Variants in RYR3 observed in about 807,000 individuals in gnomAD.
RYR3 encodes the protein brain ryanodine receptor-calcium release channel.
Under a neutral mutation model 584.3 loss-of-function variants are expected in RYR3, and 207 were observed. That is an observed-to-expected ratio of 0.35 (90% CI 0.32 to 0.40). The LOEUF is 0.40. Ranked by LOEUF, RYR3 falls within the 10% of genes least tolerant of loss-of-function variation. RYR3 has a pLI of 1.00. For synonymous variants in RYR3, 2,416 were observed against 2,248.5 expected (o/e 1.07, Z -2.11); for missense variants, 5,616 against 6,089.2 (o/e 0.92, Z 2.59).
chr15:33,587,021 T>TG (rs1413383542), intron 16 of RYR3, among the ~76,000 whole-genome samples: 1 of 139,006 alleles, frequency 7.2e-6, no homozygotes, highest in Non-Finnish European at 1.7e-5. Context: ...TGTCATCATC[T>TG]GGGGGGACTG....
chr15:33,648,682 G>GCC (rs1307030723), intron 30 of RYR3, among the ~76,000 whole-genome samples: 1 of 152,330 alleles, frequency 6.6e-6, no homozygotes, highest in African/African-American at 2.4e-5. Context: ...CAGGGACTGT[G>GCC]CCCGCTCTCT....
At chr15:33,810,726 G>GTCC in intron 71 of RYR3, 77 bp downstream of exon 71, 1 of 1,571,766 alleles carries the variant, frequency 6.4e-7, no homozygotes, top group Non-Finnish European at 8.7e-7. Context: ...TGAAGGGTTA[G>GTCC]TCCTCCTCCC....
intron 1 of RYR3, among the ~76,000 whole-genome samples, chr15:33,411,059 T>C (rs990436951): frequency 3.3e-5 from 5 of 152,132 alleles, no homozygotes; most frequent in African/African-American, 4.8e-5. Flanking sequence ...ATGGGTATTA[T>C]TACAATTCAA....
At position 33,812,977 on chromosome 15, in the gene RYR3, G is replaced by T. The variant is rs1193564383; in HGVS notation, c.10372G>T (p.Val3458Phe). Residue 3458 changes from valine (V) to phenylalanine (F), a missense_variant, in exon 73 of 104, where the codon GTC becomes TTC. This residue lies in a region of RYR3 where 954 missense variants were observed against 1,132.2 expected (regional missense o/e 0.84). Coordinates refer to ENST00000634891, the MANE Select transcript of RYR3 (RefSeq NM_001036.6). ...GCGTGTGCAGAGAATTTCAGCAGCT[G>T]TCTTCCACCTGGAACAGGTAAGGAG... ...VERVQRISAA[V>F]FHLEQVEQPL... 6.2e-7 allele frequency: 1 copy of T among 1,614,016 alleles called. No individual in the cohort carries two copies. Among genetic ancestry groups the T allele is most frequent in the Non-Finnish European group, 8.5e-7 (1 of 1,179,882 alleles).
chr15:33,522,620 GAGA>G (rs1166024696), intron 3 of RYR3, among the ~76,000 whole-genome samples: 1 of 152,208 alleles, frequency 6.6e-6, no homozygotes, highest in African/African-American at 2.4e-5. Context: ...TTCAGCTCAG[GAGA>G]AGGAGGGTTT....
chr15:33,440,406 C>A (rs558395819), intron 1 of RYR3, among the ~76,000 whole-genome samples: 3 of 152,188 alleles, frequency 2.0e-5, no homozygotes, highest in Non-Finnish European at 4.4e-5. Context: ...CTGTCCCATG[C>A]GTGTTTTAGG....
At chr15:33,540,542 G>C (rs144439462) in intron 6 of RYR3, among the ~76,000 whole-genome samples, 1 of 152,178 alleles carries the variant, frequency 6.6e-6, no homozygotes, top group African/African-American at 2.4e-5. Flanking sequence ...TGTTGAATCA[G>C]CTCCAGCTGA....
intron 74 of RYR3, among the ~76,000 whole-genome samples, chr15:33,816,577 G>A (rs1466486593): frequency 6.6e-6 from 1 of 152,218 alleles, no homozygotes; most frequent in Non-Finnish European, 1.5e-5. Flanking sequence ...CATTGGAGAG[G>A]AAATGTGATA....
intron 45 of RYR3, among the ~76,000 whole-genome samples, chr15:33,725,154 T>TACACACACACACACACACACACACAC (rs58951939): frequency 8.8e-6 from 1 of 113,846 alleles, no homozygotes; most frequent in Non-Finnish European, 1.8e-5. Context: ...TCCAACACCT[T>TACACACACACACACACACACACACAC]ACACACACAC....
chr15:33,713,249 A>C (rs895996269), intron 43 of RYR3, among the ~76,000 whole-genome samples: 3 of 151,886 alleles, frequency 2.0e-5, no homozygotes, highest in African/African-American at 7.3e-5. Flanking sequence ...TGGGGTGTTC[A>C]TGGTGGGTAA....
At chr15:33,644,247 C>A in intron 27 of RYR3, 64 bp from the exon 28 acceptor site, 1 of 1,315,706 alleles carries the variant, frequency 7.6e-7, no homozygotes, top group African/African-American at 1.5e-5. Context: ...AAAGATTCAG[C>A]TGCCTCGGAG....
Position 33,823,074 on chromosome 15 carries a change from TA to T in RYR3, c.11072+5del. On this transcript the variant is annotated splice_donor_region_variant and intron_variant, in intron 81 of 103. Transcript: ENST00000634891. ...TTCTGGTCTTATGCAGTCTTGCAGGTAAATGCGGGAAAACTACCATAGCATT... is the reference window on the plus strand; with the variant it reads ...TTCTGGTCTTATGCAGTCTTGCAGGTAATGCGGGAAAACTACCATAGCATT... The T allele has an allele frequency of 6.2e-7, 1 of 1,612,058 alleles. No individual in the cohort carries two copies. The highest frequency in any genetic ancestry group is 8.5e-7 in the Non-Finnish European group (1 of 1,178,888).
At chr15:33,720,845 G>A (rs2067852036) in intron 43 of RYR3, among the ~76,000 whole-genome samples, 1 of 151,516 alleles carries the variant, frequency 6.6e-6, no homozygotes, top group South Asian at 2.1e-4. Context: ...CTGTACTCCA[G>A]CCTGGGTGAC....
chr15:33,831,345 C>G (rs2077663274), intron 86 of RYR3, among the ~76,000 whole-genome samples: 2 of 152,222 alleles, frequency 1.3e-5, no homozygotes, highest in Non-Finnish European at 2.9e-5. Flanking sequence ...ATTTTGCTTT[C>G]CCTCTTAAAC....
chr15:33,341,756 T>C (rs975640425), intron 1 of RYR3, among the ~76,000 whole-genome samples: 2 of 152,098 alleles, frequency 1.3e-5, no homozygotes, highest in African/African-American at 4.8e-5. Context: ...TTATGAACTT[T>C]ACTTCCCTCA....
At chr15:33,768,851 C>T (rs1567133353) in intron 61 of RYR3, 144 bp downstream of exon 61, 3 of 820,260 alleles carry the variant, frequency 3.7e-6, no homozygotes, top group Non-Finnish European at 6.2e-6. Context: ...TGATCTGAAG[C>T]ATGATAAATG....
chr15:33,457,979 C>A (rs1265984323), intron 1 of RYR3, among the ~76,000 whole-genome samples: 1 of 152,178 alleles, frequency 6.6e-6, no homozygotes, highest in Admixed American at 6.5e-5. Flanking sequence ...CGTTTCCTAT[C>A]ATCAGTAGTG....
intron 12 of RYR3, among the ~76,000 whole-genome samples, chr15:33,573,038 C>T (rs753674308): frequency 6.6e-6 from 1 of 152,064 alleles, no homozygotes; most frequent in Non-Finnish European, 1.5e-5. Context: ...TGCCTCTAGT[C>T]AATTTCCAGA....
intron 53 of RYR3, among the ~76,000 whole-genome samples, chr15:33,747,483 GGTGCAATCTTGGCTCA>G (rs2070856052): frequency 7.3e-6 from 1 of 137,530 alleles, no homozygotes; most frequent in African/African-American, 2.7e-5. Flanking sequence ...AGAGTGCTGT[GGTGCAATCTTGGCTCA>G]GTGCAAGCTT....
Sources: allele counts gnomAD v4.1 joint callset (sites outside exome capture counted in the v4.1 genomes callset), GRCh38; gene constraint gnomAD v4.1.1; regional missense constraint gnomAD v4.1.1; transcripts MANE v1.5; gene names NCBI Gene and HGNC (gene_info 2026-07-23, HGNC 2026-07-21).